Variants in CNTNAP3B observed in about 807,000 individuals in gnomAD.
CNTNAP3B encodes the protein contactin-associated protein-like 3B.
A neutral mutation model predicts 108.9 loss-of-function variants in CNTNAP3B; 25 were observed. That is an observed-to-expected ratio of 0.23 (90% CI 0.17 to 0.32). The LOEUF is 0.32. CNTNAP3B is among the 10% of genes least tolerant of loss of function. The pLI, the probability that CNTNAP3B is intolerant of heterozygous loss-of-function variation, is 1.00. For synonymous variants in CNTNAP3B, 103 were observed against 473.4 expected (o/e 0.22, Z 10.16); for missense variants, 252 against 1,210.4 (o/e 0.21, Z 11.75).
intron 15 of CNTNAP3B, among the ~76,000 whole-genome samples, chr9:41,928,811 G>C (rs528983278): frequency 7.3e-6 from 1 of 137,410 alleles, no homozygotes; most frequent in Non-Finnish European, 1.6e-5. Flanking sequence ...TGGGCTTATA[G>C]TGCCACTGAG....
intron 14 of CNTNAP3B, among the ~76,000 whole-genome samples, chr9:41,935,071 A>G (rs1405085726): frequency 3.3e-5 from 5 of 152,278 alleles, no homozygotes; most frequent in African/African-American, 9.6e-5. Context: ...CTATTTGAAC[A>G]TAGTCCACTA....
chr9:42,120,166 G>A (rs1338680644), intron 1 of CNTNAP3B, among the ~76,000 whole-genome samples: 1 of 147,376 alleles, frequency 6.8e-6, no homozygotes, highest in Non-Finnish European at 1.5e-5. Flanking sequence ...GTGAGCAAAG[G>A]ATATGAACAG....
chr9:41,977,831 C>T (rs569734213), intron 9 of CNTNAP3B, among the ~76,000 whole-genome samples: 1 of 136,824 alleles, frequency 7.3e-6, no homozygotes, highest in East Asian at 2.2e-4. Context: ...CGGGGTTTCA[C>T]CGTGTTAGCC....
chr9:42,034,186 G>GTATTTATCTATCTATC (rs1554751811), intron 3 of CNTNAP3B, among the ~76,000 whole-genome samples: 3 of 124,270 alleles, frequency 2.4e-5, no homozygotes, highest in Non-Finnish European at 5.0e-5. Context: ...ATGTATATAT[G>GTATTTATCTATCTATC]TATCTATCTA....
intron 15 of CNTNAP3B, among the ~76,000 whole-genome samples, chr9:41,927,869 G>C (rs1823862803): frequency 6.8e-6 from 1 of 146,974 alleles, no homozygotes; most frequent in African/African-American, 2.6e-5. Flanking sequence ...AGGACAAAGA[G>C]ATTAAAGCCA....
intron 13 of CNTNAP3B, among the ~76,000 whole-genome samples, chr9:41,950,595 A>G (rs1298209922): frequency 6.8e-6 from 1 of 146,296 alleles, no homozygotes; most frequent in Admixed American, 6.9e-5. Context: ...AAATGAATCT[A>G]GAGAGGATTA....
chr9:42,129,214 C>T lies in CNTNAP3B; in HGVS notation c.-120G>A. 7.2e-7 allele frequency: 1 copy of T among 1,393,998 alleles called. No homozygotes were observed. Among genetic ancestry groups the T allele is most frequent in the South Asian group, 1.4e-5 (1 of 72,948 alleles). The allele number at this position is 1,393,998 out of a possible 1,614,324, so 86.4% of individuals were successfully genotyped here. On this transcript the variant is annotated 5_prime_UTR_variant, in exon 1 of 24. Coordinates refer to ENST00000377561, the MANE Select transcript of CNTNAP3B (RefSeq NM_001201380.3). Reference sequence around the variant, plus strand: ...GCGGCTCCGACGCTGCTCTGTCTCCCCTGTCCAGTCTCTAGCTCTCTTCCT... The same window carrying T: ...GCGGCTCCGACGCTGCTCTGTCTCCTCTGTCCAGTCTCTAGCTCTCTTCCT...
chr9:42,088,411 C>T (rs1360383631), intron 2 of CNTNAP3B, among the ~76,000 whole-genome samples: 1 of 139,078 alleles, frequency 7.2e-6, no homozygotes, highest in Non-Finnish European at 1.5e-5. Context: ...TCTATATTAA[C>T]ATCCTTATGA....
intron 2 of CNTNAP3B, among the ~76,000 whole-genome samples, chr9:42,079,842 AG>A (rs1457298444): frequency 7.4e-6 from 1 of 135,906 alleles, no homozygotes; most frequent in East Asian, 2.3e-4. Flanking sequence ...GTTTTAAAAG[AG>A]TTGGGAGAAG....
At chr9:41,943,964 T>A (rs1824446910) in intron 13 of CNTNAP3B, among the ~76,000 whole-genome samples, 2 of 152,224 alleles carry the variant, frequency 1.3e-5, no homozygotes, top group Admixed American at 1.3e-4. Context: ...ACACCTTACC[T>A]ACATAGGAGC....
rs1044478362 is a variant in CNTNAP3B at position 42,108,350 on chromosome 9, T to G, written c.86-3611A>C. On this transcript the variant is annotated intron_variant, in intron 1 of 23. Transcript: ENST00000377561. ...TACATAGGTATATTTTATATTATTG[T>G]TCTCCTAGAAGATCATGGTTGAAAA... 5.8e-5 allele frequency among the ~76,000 whole-genome samples: 8 copies of G among 137,170 alleles called. 2 individuals are homozygous for G. The highest frequency in any genetic ancestry group is 2.3e-4 in the African/African-American group (8 of 34,274). The allele number at this position is 137,170 out of a possible 152,430, so 90.0% of individuals were successfully genotyped here. A position where few individuals can be genotyped will look rare whatever the true frequency, so the allele number is the denominator to read the frequency against.
intron 13 of CNTNAP3B, among the ~76,000 whole-genome samples, chr9:41,944,339 AC>A (rs1824459319): frequency 6.9e-6 from 1 of 145,488 alleles, no homozygotes; most frequent in African/African-American, 2.5e-5. Context: ...AATAATACTA[AC>A]AATGTATTGG....
intron 11 of CNTNAP3B, among the ~76,000 whole-genome samples, chr9:41,963,059 G>C (rs1825154271): frequency 6.6e-6 from 1 of 152,264 alleles, no homozygotes; most frequent in Non-Finnish European, 1.5e-5. Flanking sequence ...ATCTGTGAGA[G>C]TCACTCCTGG....
intron 18 of CNTNAP3B, among the ~76,000 whole-genome samples, chr9:41,915,630 T>C: frequency 7.0e-6 from 1 of 143,014 alleles, no homozygotes; most frequent in Non-Finnish European, 1.5e-5. Flanking sequence ...GTTTATCATA[T>C]TGAGAAAGTT....
At chr9:41,959,083 C>T (rs1470075506) in intron 12 of CNTNAP3B, among the ~76,000 whole-genome samples, 5 of 142,858 alleles carry the variant, frequency 3.5e-5, no homozygotes, top group Non-Finnish European at 6.1e-5. Flanking sequence ...TGTATATAAG[C>T]CTGCCTGTCT....
At chr9:41,934,468 G>A (rs1459179868) in intron 14 of CNTNAP3B, among the ~76,000 whole-genome samples, 3,514 of 150,688 alleles carry the variant, frequency 0.023, 17 homozygotes, top group African/African-American at 0.081. Flanking sequence ...TGATCTGCCC[G>A]CCTCGGCCTC....
chr9:41,964,760 G>A (rs1261819366), intron 10 of CNTNAP3B, 116 bp from the exon 11 acceptor site: 86 of 1,346,152 alleles, frequency 6.4e-5, no homozygotes, highest in East Asian at 3.0e-4. Context: ...CCCACATGAC[G>A]TGATTACTGG....
chr9:41,941,511 C>T (rs1344925830), intron 13 of CNTNAP3B, among the ~76,000 whole-genome samples: 10 of 150,288 alleles, frequency 6.7e-5, no homozygotes, highest in African/African-American at 2.0e-4. Context: ...AAACAATACA[C>T]CCTTAAAAAA....
At chr9:41,987,452 C>T (rs1472513183) in intron 8 of CNTNAP3B, among the ~76,000 whole-genome samples, 8 of 63,326 alleles carry the variant, frequency 1.3e-4, no homozygotes, top group South Asian at 5.1e-4. Context: ...CAGAGTGAGA[C>T]GCTGTCTCAA....
Sources: gnomAD v4.1 joint callset for allele counts (sites outside exome capture counted in the v4.1 genomes callset) on GRCh38, gnomAD v4.1.1 for gene constraint, MANE v1.5 for transcripts, NCBI Gene and HGNC (gene_info 2026-07-23, HGNC 2026-07-21) for gene names.